The following KCND3 variants were observed in gnomAD, a reference collection of about 807,000 sequenced individuals.
KCND3 encodes the protein potassium voltage-gated channel subfamily D member 3.
A neutral mutation model predicts 51.1 loss-of-function variants in KCND3; 9 were observed. That is an observed-to-expected ratio of 0.18 (90% CI 0.11 to 0.31). KCND3 has a LOEUF of 0.31. Among genes scored for constraint, KCND3 ranks in the 10% least tolerant of loss-of-function variants. KCND3 has a pLI of 1.00. For synonymous variants in KCND3, 349 were observed against 368.0 expected (o/e 0.95, Z 0.59); for missense variants, 526 against 903.8 (o/e 0.58, Z 5.36).
chr1:111,959,165 C>T (rs1224590183), intron 2 of KCND3, among the ~76,000 whole-genome samples: 1 of 152,232 alleles, frequency 6.6e-6, no homozygotes, highest in Non-Finnish European at 1.5e-5. Flanking sequence ...GTTACTGCTT[C>T]TGTGTATCAA....
chr1:111,787,760 T>C (rs1307473160), intron 2 of KCND3, among the ~76,000 whole-genome samples: 1 of 152,238 alleles, frequency 6.6e-6, no homozygotes, highest in African/African-American at 2.4e-5. Flanking sequence ...CAAACTCACC[T>C]ATTCATGTAG....
At chr1:111,808,934 G>T (rs936071902) in intron 2 of KCND3, among the ~76,000 whole-genome samples, 1 of 152,242 alleles carries the variant, frequency 6.6e-6, no homozygotes, top group African/African-American at 2.4e-5. Flanking sequence ...TGGAGCAAGA[G>T]GGAGGGGACA....
intron 2 of KCND3, among the ~76,000 whole-genome samples, chr1:111,829,483 A>C (rs1160847244): frequency 1.3e-5 from 2 of 152,160 alleles, no homozygotes; most frequent in African/African-American, 4.8e-5. Flanking sequence ...TAATAGATGC[A>C]AGGTTGTTGG....
intron 2 of KCND3, among the ~76,000 whole-genome samples, chr1:111,889,730 G>C (rs1669740085): frequency 1.3e-5 from 2 of 152,146 alleles, no homozygotes; most frequent in South Asian, 4.1e-4. Context: ...TAGGGAATCT[G>C]CATTTTACAT....
intron 2 of KCND3, among the ~76,000 whole-genome samples, chr1:111,793,597 T>G (rs1664934345): frequency 2.0e-5 from 3 of 152,364 alleles, no homozygotes; most frequent in South Asian, 2.1e-4. Flanking sequence ...TTGCAAAGAC[T>G]ACATGCCTAT....
chr1:111,788,110 T>G (rs113353380), intron 2 of KCND3, among the ~76,000 whole-genome samples: 1 of 152,244 alleles, frequency 6.6e-6, no homozygotes, highest in Non-Finnish European at 1.5e-5. Context: ...CAGGTTGGCC[T>G]GGATCCTACT....
Position 111,776,186 on chromosome 1 carries a change from G to T in KCND3, c.1859C>A (p.Pro620His), listed in dbSNP as rs758318696. The change falls in exon 8 of 8, where the codon CCC becomes CAC. Residue 620 changes from proline to histidine, a missense_variant. This residue lies in a region of KCND3 where 266 missense variants were observed against 305.5 expected (regional missense o/e 0.87). Coordinates refer to ENST00000302127, the MANE Select transcript of KCND3 (RefSeq NM_001378969.1). ...ITTAIISIPT[P>H]PALTPEGESR... ...TTCCCCCTCTGGGGTTAGCGCTGGG[G>T]GAGTGGGGATGCTGATGATGGCTGT... The T allele has an allele frequency of 1.1e-5, 18 of 1,614,226 alleles. No homozygotes were observed. The highest frequency in any genetic ancestry group is 1.4e-5 in the Non-Finnish European group (16 of 1,180,042).
intron 2 of KCND3, among the ~76,000 whole-genome samples, chr1:111,809,470 G>C (rs1432829249): frequency 1.4e-4 from 21 of 151,858 alleles, no homozygotes; most frequent in Non-Finnish European, 7.4e-5. Context: ...CACCACACCC[G>C]GCTAATTTTT....
At chr1:111,811,897 G>A (rs1348854662) in intron 2 of KCND3, among the ~76,000 whole-genome samples, 1 of 152,158 alleles carries the variant, frequency 6.6e-6, no homozygotes, top group Admixed American at 6.5e-5. Flanking sequence ...TTCCCCACCT[G>A]CCTGTTTCCT....
chr1:111,959,824 C>T (rs149843724), intron 2 of KCND3, among the ~76,000 whole-genome samples: 6 of 152,176 alleles, frequency 3.9e-5, no homozygotes, highest in Non-Finnish European at 8.8e-5. Context: ...ATGGTTTGGC[C>T]GTGTCCCCAC....
intron 2 of KCND3, among the ~76,000 whole-genome samples, chr1:111,841,962 A>C (rs988973482): frequency 3.3e-5 from 5 of 152,132 alleles, no homozygotes; most frequent in African/African-American, 4.8e-5. Context: ...CTTCACTGAG[A>C]TATGTCATTT....
chr1:111,949,064 C>T (rs1052250796), intron 2 of KCND3, among the ~76,000 whole-genome samples: 9 of 152,182 alleles, frequency 5.9e-5, no homozygotes, highest in African/African-American at 1.9e-4. Context: ...GCATGACACG[C>T]AGCCTTTGTC....
chr1:111,806,744 G>A (rs895319102), intron 2 of KCND3, among the ~76,000 whole-genome samples: 7 of 152,168 alleles, frequency 4.6e-5, no homozygotes, highest in African/African-American at 1.4e-4. Flanking sequence ...AACTCAAAGA[G>A]GTGAGCCCAG....
Position 111,882,759 on chromosome 1 carries a change from C to T in KCND3, c.1107-95653G>A, listed in dbSNP as rs564276745. ...CCAAACAGGGACTGGGGGTGGGAGC[C>T]GCAGCTGTCATAGAGAGGCTGGGTG... On this transcript the variant is annotated intron_variant, in intron 2 of 7. Coordinates refer to ENST00000302127, the MANE Select transcript of KCND3 (RefSeq NM_001378969.1). Among the ~76,000 whole-genome samples the T allele has an allele frequency of 2.0e-5, 3 of 152,204 alleles. No individual in the cohort carries two copies. The South Asian group carries it at 6.2e-4, about 32-fold the overall frequency.
chr1:111,823,873 T>A (rs189385747), intron 2 of KCND3, among the ~76,000 whole-genome samples: 1 of 152,016 alleles, frequency 6.6e-6, no homozygotes, highest in South Asian at 2.1e-4. Flanking sequence ...TCAGGAAGCA[T>A]CTAAAACACT....
intron 3 of KCND3, among the ~76,000 whole-genome samples, chr1:111,784,547 T>C (rs1252869293): frequency 1.3e-5 from 2 of 152,210 alleles, no homozygotes. Context: ...GATGACGATA[T>C]AGCTACTCCA....
At chr1:111,986,156 G>A (rs910986508) in intron 1 of KCND3, among the ~76,000 whole-genome samples, 1 of 152,232 alleles carries the variant, frequency 6.6e-6, no homozygotes. Flanking sequence ...AAGCTCACAA[G>A]TTCAACTCTG....
At chr1:111,954,687 C>T (rs561806385) in intron 2 of KCND3, among the ~76,000 whole-genome samples, 2 of 152,340 alleles carry the variant, frequency 1.3e-5, no homozygotes, top group African/African-American at 2.4e-5. Flanking sequence ...GACTAGTCAA[C>T]GTAGGAGTGA....
intron 2 of KCND3, among the ~76,000 whole-genome samples, chr1:111,899,416 T>A (rs1051515281): frequency 9.9e-5 from 15 of 152,258 alleles, no homozygotes; most frequent in African/African-American, 3.6e-4. Flanking sequence ...TATGTTCTGC[T>A]TCTTGGCCTG....
Sources: gnomAD v4.1 joint callset for allele counts (sites outside exome capture counted in the v4.1 genomes callset) on GRCh38, gnomAD v4.1.1 for gene constraint, gnomAD v4.1.1 regional missense constraint, MANE v1.5 for transcripts, NCBI Gene and HGNC (gene_info 2026-07-23, HGNC 2026-07-21) for gene names.